The following ENTPD8 variants were observed in gnomAD, a reference collection of about 807,000 sequenced individuals.
ENTPD8 encodes the protein E-NTPDase 8.
ENTPD8 carries 35 observed loss-of-function variants against 47.0 expected under a neutral mutation model. The ratio of observed to expected loss-of-function variants is 0.75; its 90% confidence interval spans 0.57 to 0.99. The LOEUF is 0.99. Ranked by LOEUF, ENTPD8 falls within the 50% of genes least tolerant of loss-of-function variation. The pLI is 0.00. For synonymous variants in ENTPD8, 308 were observed against 290.5 expected (o/e 1.06, Z -0.61); for missense variants, 668 against 649.9 (o/e 1.03, Z -0.30).
In ENTPD8 at chr9:137,437,093, C is replaced by T. The variant is rs1454995074; in HGVS notation, c.396-65G>A. ...CTGGGCCCGGCCCCACCCTGCCTGC[C>T]ACGCTGGCTGAGACCATGGCTTCTG... On this transcript the variant is annotated intron_variant, in intron 4 of 9. Coordinates refer to ENST00000371506, the MANE Select transcript of ENTPD8 (RefSeq NM_001033113.2). 10 of 1,600,902 alleles carry T rather than the reference C, an allele frequency of 6.2e-6. No individual in the cohort carries two copies. In the Admixed American group the frequency reaches 1.7e-4, roughly 27 times the overall value.
chr9:137,434,776 G>A lies in ENTPD8; in HGVS notation c.*138C>T, dbSNP rs964142335. 9.0e-6 allele frequency: 10 copies of A among 1,110,384 alleles called. No individual in the cohort carries two copies. The African/African-American group carries it at 1.6e-4, about 18-fold the overall frequency. 68.8% of individuals were successfully genotyped at this position (1,110,384 alleles called of 1,614,324 possible). A position where few individuals can be genotyped will look rare whatever the true frequency, so the allele number is the denominator to read the frequency against. The stretch of plus-strand genomic sequence containing the variant: ...CTCTGTGGCCAGCACCACCCTGACG[G>A]TGCCCTGGAGGTGGCTGTCACCTGA... On this transcript the variant is annotated 3_prime_UTR_variant, in exon 10 of 10. Coordinates refer to ENST00000371506, the MANE Select transcript of ENTPD8 (RefSeq NM_001033113.2).
In ENTPD8 at chr9:137,436,126, G is replaced by A. The variant is rs762275441; in HGVS notation, c.937C>T (p.Pro313Ser). ...QNLTVEGTGNPGACVSAIREL... is the reference protein window; with the variant it reads ...QNLTVEGTGNSGACVSAIREL... ...CGGATGGCTGAGACGCAGGCTCCAG[G>A]GTTGCCTGTCCCTTCAACTGTGAGG... The change falls in exon 7 of 10, where the codon CCT becomes TCT. Residue 313 changes from proline (P) to serine (S), a missense_variant. Transcript: ENST00000371506. 5 of 1,613,034 alleles carry A rather than the reference G, an allele frequency of 3.1e-6. No individual in the cohort carries two copies. The highest frequency in any genetic ancestry group is 1.6e-4 in the Middle Eastern group (1 of 6,062).
intron 6 of ENTPD8, 33 bp from the exon 7 acceptor site, chr9:137,436,309 G>A (rs778042928): frequency 1.3e-5 from 20 of 1,525,132 alleles, no homozygotes; most frequent in Middle Eastern, 2.3e-4. Context: ...AGCACCAGCC[G>A]CACACCTGCG....
chr9:137,434,495 AG>A lies in ENTPD8; in HGVS notation c.*418del. ...TCCATCCATCTGCTCAGACAACAGC[AG>A]GGAGAGCGGGGGTCCAGGTGGGGCA... On this transcript the variant is annotated 3_prime_UTR_variant, in exon 10 of 10. Transcript: ENST00000371506. 8.9e-7 allele frequency: 1 copy of A among 1,119,168 alleles called. No homozygotes were observed. The highest frequency in any genetic ancestry group is 1.3e-6 in the Non-Finnish European group (1 of 794,580). The allele number at this position is 1,119,168 out of a possible 1,614,324, so 69.3% of individuals were successfully genotyped here.
In ENTPD8 at chr9:137,435,324, G is replaced by C; in HGVS notation, c.1176C>G (p.Tyr392Ter). 6.2e-7 allele frequency: 1 copy of C among 1,610,968 alleles called. No individual in the cohort carries two copies. Among genetic ancestry groups the C allele is most frequent in the Non-Finnish European group, 8.5e-7 (1 of 1,179,218 alleles). ...CCCGCAGCCAGCGGTCCTGCCCAGG[G>C]TAGCTGGCCTCCACCTGGGGCCCAG... ...QRPWKLVEAS[Y>*]PGQDRWLRDY... Residue 392 changes from tyrosine (Y) to a stop codon, truncating the protein, a stop_gained, in exon 9 of 10, where the codon TAC becomes TAG. Coordinates refer to ENST00000371506, the MANE Select transcript of ENTPD8 (RefSeq NM_001033113.2). LOFTEE classifies it high-confidence loss of function.
intron 8 of ENTPD8, 88 bp from the exon 9 acceptor site, chr9:137,435,426 C>T: frequency 6.6e-7 from 1 of 1,518,168 alleles, no homozygotes; most frequent in Non-Finnish European, 8.8e-7. Context: ...CCAACCTGAG[C>T]ACGCAGACAA....
intron 1 of ENTPD8, among the ~76,000 whole-genome samples, chr9:137,439,905 CGAGACCAGG>C (rs1839473458): frequency 1.0e-5 from 1 of 97,216 alleles, no homozygotes; most frequent in African/African-American, 4.0e-5. Context: ...ACAGCCCCCC[CGAGACCAGG>C]ACAGTGCCCC....
chr9:137,435,241 C>T lies in ENTPD8; in HGVS notation c.1259G>A (p.Ser420Asn). The change falls in exon 9 of 10, where the codon AGC becomes AAC. Residue 420 changes from serine (S) to asparagine (N), a missense_variant. Transcript: ENST00000371506. ...LTLLHEGYGF[S>N]EETWPSLEFR... Reference sequence around the variant, plus strand: ...CTCGAGGCTGGGCCAGGTCTCCTCGCTGAACCCGTAGCCCTCGTGCAGGAG... The same window carrying T: ...CTCGAGGCTGGGCCAGGTCTCCTCGTTGAACCCGTAGCCCTCGTGCAGGAG... 2 of 1,612,304 alleles carry T rather than the reference C, an allele frequency of 1.2e-6. No homozygotes were observed. Among genetic ancestry groups the T allele is most frequent in the African/African-American group, 2.7e-5 (2 of 75,066 alleles).
rs1020153555 is a variant in ENTPD8 at position 137,436,809 on chromosome 9, GCCAGCCCCAGACA to G, written c.555+47_555+59del. On this transcript the variant is annotated intron_variant, in intron 5 of 9. Coordinates refer to ENST00000371506, the MANE Select transcript of ENTPD8 (RefSeq NM_001033113.2). ...AGCCACCCGGACCCCGTCCCGGTCA[GCCAGCCCCAGACA>G]CCAGCCCCTCGCAGACCAGCCCCCG... The G allele has an allele frequency of 3.1e-6, 5 of 1,602,722 alleles. No individual in the cohort carries two copies. The African/African-American group carries it at 6.7e-5, about 21-fold the overall frequency.
At chr9:137,435,985 C>T in intron 7 of ENTPD8, 28 bp downstream of exon 7, 2 of 1,609,600 alleles carry the variant, frequency 1.2e-6, no homozygotes, top group Non-Finnish European at 1.7e-6. Flanking sequence ...AAGCCCGGAC[C>T]CCTGGTGGGG....
At chr9:137,436,379 CGCCCT>C in intron 6 of ENTPD8, 103 bp from the exon 7 acceptor site, 2 of 1,410,090 alleles carry the variant, frequency 1.4e-6, no homozygotes, top group Non-Finnish European at 1.9e-6. Flanking sequence ...ATACCCTGTG[CGCCCT>C]CCCCGGTGCC....
intron 9 of ENTPD8, 25 bp downstream of exon 9, chr9:137,435,179 G>A (rs756780703): frequency 8.1e-6 from 13 of 1,604,994 alleles, no homozygotes; most frequent in East Asian, 6.7e-5. Context: ...CCCACGCCCC[G>A]CCCACGCCCA....
chr9:137,438,343 G>GGT lies in ENTPD8; in HGVS notation c.-20-40_-20-39dup. On this transcript the variant is annotated intron_variant, in intron 1 of 9. Transcript: ENST00000371506. The surrounding 1 kb of genome is among the most constrained non-coding windows in gnomAD (Gnocchi z 5.7). ...GGCCGTGGGCACCCAGGCTGCACTT[G>GGT]GTGTCCCCATCCCGCCCTCCAGAGG... is the stretch of plus-strand genomic sequence containing the variant. The GGT allele has an allele frequency of 6.8e-7, 1 of 1,472,428 alleles. No individual in the cohort carries two copies. The highest frequency in any genetic ancestry group is 1.4e-5 in the African/African-American group (1 of 71,862). The allele number at this position is 1,472,428 out of a possible 1,614,324, so 91.2% of individuals were successfully genotyped here. A position where few individuals can be genotyped will look rare whatever the true frequency, so the allele number is the denominator to read the frequency against.
rs766653328 is a variant in ENTPD8, at chr9:137,436,842, C to T, written c.555+27G>A. On this transcript the variant is annotated intron_variant, in intron 5 of 9. Coordinates refer to ENST00000371506, the MANE Select transcript of ENTPD8 (RefSeq NM_001033113.2). The stretch of plus-strand genomic sequence containing the variant: ...CAGACACCAGCCCCTCGCAGACCAG[C>T]CCCCGCCCTCAGGCAGCCTGTGGCA... 9 of 1,608,834 alleles carry T rather than the reference C, an allele frequency of 5.6e-6. No individual in the cohort carries two copies. The Admixed American group carries it at 1.3e-4, about 24-fold the overall frequency.
intron 1 of ENTPD8, among the ~76,000 whole-genome samples, chr9:137,439,715 G>A (rs1369831720): frequency 6.6e-6 from 1 of 152,046 alleles, no homozygotes; most frequent in African/African-American, 2.4e-5. Context: ...GGTGACAGGG[G>A]CCAGGAACAC....
Position 137,436,199 on chromosome 9 carries a change from A to G in ENTPD8, c.864T>C (p.Tyr288=), listed in dbSNP as rs759154563. 5.0e-6 allele frequency: 8 copies of G among 1,612,670 alleles called. No individual in the cohort carries two copies. Among genetic ancestry groups the G allele is most frequent in the Non-Finnish European group, 6.8e-6 (8 of 1,179,818 alleles). The change falls in exon 7 of 10, where the codon TAT becomes TAC. Residue 288 remains tyrosine, a synonymous_variant. Coordinates refer to ENST00000371506, the MANE Select transcript of ENTPD8 (RefSeq NM_001033113.2). ...YQTTLALGPL[Y]ESPCVHATPP... ...GCGTGGCGTGGACACAGGGTGACTC[A>G]TACAGCGGGCCCAGGGCCAGTGTGG...
At chr9:137,439,540 G>A (rs934366456) in intron 1 of ENTPD8, among the ~76,000 whole-genome samples, 7 of 152,146 alleles carry the variant, frequency 4.6e-5, no homozygotes, top group Non-Finnish European at 1.0e-4. Flanking sequence ...GGGACACGCT[G>A]TGGGGTCCTC....
chr9:137,440,213 C>A (rs1588481412), intron 1 of ENTPD8, among the ~76,000 whole-genome samples: 1 of 90,270 alleles, frequency 1.1e-5, no homozygotes, highest in Non-Finnish European at 2.3e-5. Context: ...AGGACAGCCC[C>A]CCCAGACCAG....
Position 137,438,400 on chromosome 9 carries a change from G to A in ENTPD8, c.-20-95C>T, listed in dbSNP as rs1425592925. ...CTTCGCTCCCCGTCTCCCTGGAGAC[G>A]CACCCCTGGACAGCCACTTGCCTTA... is the stretch of plus-strand genomic sequence containing the variant. On this transcript the variant is annotated intron_variant, in intron 1 of 9. Coordinates refer to ENST00000371506, the MANE Select transcript of ENTPD8 (RefSeq NM_001033113.2). This position sits in a 1 kb window ranked among gnomAD's most constrained non-coding sequence, Gnocchi z 5.7. The A allele has an allele frequency of 7.4e-6, 10 of 1,343,312 alleles. No homozygotes were observed. Among genetic ancestry groups the A allele is most frequent in the South Asian group, 6.2e-5 (4 of 64,938 alleles). 83.2% of individuals were successfully genotyped at this position (1,343,312 alleles called of 1,614,324 possible). A position where few individuals can be genotyped will look rare whatever the true frequency, so the allele number is the denominator to read the frequency against.
Sources: gnomAD v4.1 joint callset for allele counts (sites outside exome capture counted in the v4.1 genomes callset) on GRCh38, gnomAD v4.1.1 for gene constraint, Gnocchi (gnomAD v3.1) non-coding constraint, MANE v1.5 for transcripts, NCBI Gene and HGNC (gene_info 2026-07-23, HGNC 2026-07-21) for gene names.